The following NIBAN1 variants were observed in gnomAD, a reference collection of about 807,000 sequenced individuals.
NIBAN1 encodes the protein niban apoptosis regulator 1.
A neutral mutation model predicts 75.1 loss-of-function variants in NIBAN1; 81 were observed. That is an observed-to-expected ratio of 1.08 (90% confidence interval 0.90 to 1.30). The LOEUF (loss-of-function observed/expected upper bound fraction) is 1.30, where lower values mean the gene tolerates loss of function less well. NIBAN1 is among the 50% of genes most tolerant of loss of function. NIBAN1 has a pLI of 0.00. For synonymous variants in NIBAN1, 436 were observed against 424.8 expected (o/e 1.03, Z -0.32); for missense variants, 1,133 against 1,128.1 (o/e 1.00, Z -0.06).
rs780273995 is a variant in NIBAN1 at position 184,799,735 on chromosome 1, CTTTTTTTTTTT to C, written c.1555-1556_1555-1546del. On this transcript the variant is annotated intron_variant, in intron 12 of 13. Transcript: ENST00000367511. ...TCCTGACTTTTTAATGATTGCCATT[CTTTTTTTTTTT>C]TTTTTTTTTTTTTTTTTGAGACGGA... Among the ~76,000 whole-genome samples the C allele has an allele frequency of 8.0e-5, 4 of 49,802 alleles. 1 individual carries two copies. Among genetic ancestry groups the C allele is most frequent in the Non-Finnish European group, 1.1e-4 (3 of 27,366 alleles). The allele number at this position is 49,802 out of a possible 152,430, so 32.7% of individuals were successfully genotyped here.
chr1:184,899,692 C>T (rs1656895652), intron 1 of NIBAN1, among the ~76,000 whole-genome samples: 2 of 151,978 alleles, frequency 1.3e-5, no homozygotes, highest in Admixed American at 6.6e-5. Flanking sequence ...TCTTCTACCT[C>T]GCCCTCTCTC....
chr1:184,878,847 TATC>T (rs1286020018), intron 5 of NIBAN1, among the ~76,000 whole-genome samples: 1 of 152,176 alleles, frequency 6.6e-6, no homozygotes, highest in Non-Finnish European at 1.5e-5. Flanking sequence ...ATTTGAGCCT[TATC>T]ATAATTAAAC....
chr1:184,805,082 C>G (rs1326247484), intron 11 of NIBAN1, among the ~76,000 whole-genome samples: 4 of 152,212 alleles, frequency 2.6e-5, no homozygotes, highest in African/African-American at 9.7e-5. Flanking sequence ...GCCACTGTGC[C>G]CGGCCCCAAT....
rs199991325 is a variant in NIBAN1, at chr1:184,795,034, G to A, written c.2730C>T (p.Asp910=). 2.0e-5 allele frequency: 33 copies of A among 1,613,496 alleles called. No homozygotes were observed. The highest frequency in any genetic ancestry group is 3.3e-5 in the South Asian group (3 of 91,084). ...NPDVLLSHKD[D]VKEGEGGQES... ...CCTGACCACCTTCTCCCTCCTTCACGTCATCTTTGTGTGACAGCAGGACAT... is the reference window on the plus strand; with the variant it reads ...CCTGACCACCTTCTCCCTCCTTCACATCATCTTTGTGTGACAGCAGGACAT... The change falls in exon 14 of 14, where the codon GAC becomes GAT. Residue 910 remains aspartate, a synonymous_variant. Transcript: ENST00000367511.
intron 6 of NIBAN1, among the ~76,000 whole-genome samples, chr1:184,830,017 G>A (rs990965479): frequency 6.6e-6 from 1 of 152,198 alleles, no homozygotes; most frequent in Non-Finnish European, 1.5e-5. Flanking sequence ...GGACCATTCT[G>A]TCTTGTCCAT....
chr1:184,937,719 G>A (rs1179925889), intron 1 of NIBAN1, among the ~76,000 whole-genome samples: 1 of 152,198 alleles, frequency 6.6e-6, no homozygotes, highest in Non-Finnish European at 1.5e-5. Context: ...GTGAGCTCAG[G>A]TTCTTTGTAT....
chr1:184,817,246 C>A (rs1054962074), intron 9 of NIBAN1, among the ~76,000 whole-genome samples: 2 of 152,170 alleles, frequency 1.3e-5, no homozygotes, highest in African/African-American at 4.8e-5. Context: ...GGTGTACATG[C>A]CACATTTTCT....
At chr1:184,798,214 T>C (rs1439201434) in intron 12 of NIBAN1, 24 bp from the exon 13 acceptor site, 1 of 1,505,006 alleles carries the variant, frequency 6.6e-7, no homozygotes, top group Non-Finnish European at 9.1e-7. Flanking sequence ...GATTAGAAGA[T>C]AAAGATGAAA....
At chr1:184,959,249 T>C (rs565306921) in intron 1 of NIBAN1, among the ~76,000 whole-genome samples, 2 of 152,272 alleles carry the variant, frequency 1.3e-5, no homozygotes, top group East Asian at 3.9e-4. Flanking sequence ...CTCTCCCAAC[T>C]CCATGGAGAA....
chr1:184,909,999 G>T (rs1459076380), intron 1 of NIBAN1, among the ~76,000 whole-genome samples: 1 of 152,150 alleles, frequency 6.6e-6, no homozygotes, highest in African/African-American at 2.4e-5. Context: ...AAATCCAATA[G>T]TATTGACTAT....
At chr1:184,879,014 G>A (rs1315379264) in intron 5 of NIBAN1, among the ~76,000 whole-genome samples, 3 of 152,180 alleles carry the variant, frequency 2.0e-5, no homozygotes, top group Non-Finnish European at 2.9e-5. Flanking sequence ...ATTTCTAATT[G>A]TAGAGTACTA....
At chr1:184,935,608 A>AAT (rs1173974510) in intron 1 of NIBAN1, among the ~76,000 whole-genome samples, 7 of 152,038 alleles carry the variant, frequency 4.6e-5, no homozygotes, top group Non-Finnish European at 8.8e-5. Context: ...AATACATAGA[A>AAT]ATATATATAT....
At chr1:184,874,330 C>T (rs1656180538) in intron 5 of NIBAN1, among the ~76,000 whole-genome samples, 1 of 151,700 alleles carries the variant, frequency 6.6e-6, no homozygotes, top group Non-Finnish European at 1.5e-5. Context: ...GTAATTATAA[C>T]ACATGTAAAA....
At chr1:184,944,048 C>T (rs1011436889) in intron 1 of NIBAN1, among the ~76,000 whole-genome samples, 1 of 152,150 alleles carries the variant, frequency 6.6e-6, no homozygotes, top group African/African-American at 2.4e-5. Context: ...CCTCTACGGA[C>T]GTTGCTGATT....
At chr1:184,831,147 A>T (rs1654989181) in intron 6 of NIBAN1, among the ~76,000 whole-genome samples, 1 of 152,172 alleles carries the variant, frequency 6.6e-6, no homozygotes, top group Non-Finnish European at 1.5e-5. Context: ...TTAGATTTAT[A>T]ATACTGTCCC....
At chr1:184,827,298 T>A (rs1654867095) in intron 6 of NIBAN1, among the ~76,000 whole-genome samples, 1 of 151,998 alleles carries the variant, frequency 6.6e-6, no homozygotes, top group Non-Finnish European at 1.5e-5. Context: ...CTCAAGTGCA[T>A]CGCATCCCAA....
At position 184,794,927 on chromosome 1, in the gene NIBAN1, T is replaced by G. The variant is rs1653795452; in HGVS notation, c.*50A>C. 3.1e-6 allele frequency: 5 copies of G among 1,601,106 alleles called. No homozygotes were observed. Among genetic ancestry groups the G allele is most frequent in the Non-Finnish European group, 4.2e-6 (5 of 1,179,768 alleles). On this transcript the variant is annotated 3_prime_UTR_variant, in exon 14 of 14. Coordinates refer to ENST00000367511, the MANE Select transcript of NIBAN1 (RefSeq NM_052966.4). ...TGCATGCAACCCCTAAGTGTACCCC[T>G]ATAACCCTTTGGCTTTTTTCAGAGA...
intron 1 of NIBAN1, among the ~76,000 whole-genome samples, chr1:184,941,790 G>T (rs1479865042): frequency 1.3e-5 from 2 of 152,126 alleles, no homozygotes; most frequent in Non-Finnish European, 2.9e-5. Context: ...CCAGTCAGAA[G>T]TGTTTCCCTG....
intron 9 of NIBAN1, 78 bp from the exon 10 acceptor site, chr1:184,808,313 A>G: frequency 7.2e-7 from 1 of 1,392,806 alleles, no homozygotes; most frequent in Non-Finnish European, 9.8e-7. Context: ...TATTACATAC[A>G]TTCTAAGCAA....
Sources: allele counts gnomAD v4.1 joint callset (sites outside exome capture counted in the v4.1 genomes callset), GRCh38; gene constraint gnomAD v4.1.1; transcripts MANE v1.5; gene names NCBI Gene and HGNC (gene_info 2026-07-23, HGNC 2026-07-21).